PABPC4L: variants seen among roughly 807,000 people sequenced by gnomAD.
The protein encoded by PABPC4L is polyadenylate-binding protein 4-like.
For synonymous variants in PABPC4L, 169 were observed against 164.1 expected, an observed-to-expected ratio of 1.03 and a Z score of -0.23; for missense variants, 452 against 451.4, an observed-to-expected ratio of 1.00 and a Z score of -0.01.
At chr4:134,011,790 T>C in the PABPC4L span, among the ~76,000 whole-genome samples, 1 of 152,126 alleles carries the variant, frequency 6.6e-6, no homozygotes, top group Non-Finnish European at 1.5e-5. Context: ...CATAAAATCT[T>C]GCATATTTCT....
At chr4:134,152,590 C>T in the PABPC4L span, among the ~76,000 whole-genome samples, 1 of 152,092 alleles carries the variant, frequency 6.6e-6, no homozygotes, top group Non-Finnish European at 1.5e-5. Context: ...CACTCAATAC[C>T]ATGTGGAAGA....
At chr4:134,104,672 A>G in the PABPC4L span, among the ~76,000 whole-genome samples, 4 of 151,632 alleles carry the variant, frequency 2.6e-5, no homozygotes, top group African/African-American at 9.7e-5. Context: ...ATATTTGTAA[A>G]TATTTTCACG....
chr4:134,177,186 C>T, the PABPC4L span, among the ~76,000 whole-genome samples: 3,581 of 24,442 alleles, frequency 0.15, 225 homozygotes, highest in African/African-American at 0.44. Flanking sequence ...CTTTTCTTTT[C>T]TTTTTTTTTT....
chr4:134,121,124 T>C, the PABPC4L span, among the ~76,000 whole-genome samples: 2 of 151,414 alleles, frequency 1.3e-5, no homozygotes, highest in African/African-American at 4.8e-5. Context: ...TAATTTCAAC[T>C]ATAATTCAAT....
the PABPC4L span, among the ~76,000 whole-genome samples, chr4:134,050,874 A>C: frequency 9.3e-6 from 1 of 107,404 alleles, no homozygotes; most frequent in Admixed American, 1.2e-4. Flanking sequence ...ATCTATATTG[A>C]CCTTTATTTT....
the PABPC4L span, among the ~76,000 whole-genome samples, chr4:133,972,153 G>T: frequency 6.6e-6 from 1 of 152,122 alleles, no homozygotes; most frequent in African/African-American, 2.4e-5. Context: ...CTTAGATCCA[G>T]ATGGAGCTCC....
the PABPC4L span, among the ~76,000 whole-genome samples, chr4:134,003,635 G>C: frequency 6.6e-6 from 1 of 151,794 alleles, no homozygotes; most frequent in Non-Finnish European, 1.5e-5. Flanking sequence ...GCACAGTACT[G>C]TATGTGATGA....
the PABPC4L span, among the ~76,000 whole-genome samples, chr4:134,024,606 C>G: frequency 6.6e-6 from 1 of 152,102 alleles, no homozygotes; most frequent in Non-Finnish European, 1.5e-5. Flanking sequence ...CTTTAATTTC[C>G]TTTTTAAGGC....
the PABPC4L span, among the ~76,000 whole-genome samples, chr4:134,165,208 T>G: frequency 3.3e-5 from 5 of 152,090 alleles, no homozygotes; most frequent in African/African-American, 1.2e-4. Flanking sequence ...ATAAACTCTT[T>G]TGGACATTGG....
chr4:134,076,213 A>G, the PABPC4L span, among the ~76,000 whole-genome samples: 1 of 152,320 alleles, frequency 6.6e-6, no homozygotes, highest in African/African-American at 2.4e-5. Flanking sequence ...AAAAAGCCTT[A>G]AAAAGGAAAA....
chr4:134,133,600 C>G, the PABPC4L span, among the ~76,000 whole-genome samples: 1 of 151,338 alleles, frequency 6.6e-6, no homozygotes, highest in Non-Finnish European at 1.5e-5. Context: ...CAATCATCAA[C>G]GTCGTATGTT....
the PABPC4L span, among the ~76,000 whole-genome samples, chr4:134,065,466 T>G: frequency 6.6e-6 from 1 of 152,078 alleles, no homozygotes; most frequent in Admixed American, 6.6e-5. Flanking sequence ...TAAATTTGTT[T>G]AAGTTACTTG....
In PABPC4L at chr4:134,200,720, T is replaced by C; in HGVS notation, c.300A>G (p.Val100=). 1 of 1,551,706 alleles carries C rather than the reference T, an allele frequency of 6.4e-7. No homozygotes were observed. The highest frequency in any genetic ancestry group is 8.7e-7 in the Non-Finnish European group (1 of 1,146,974). The change falls in exon 2 of 2, where the codon GTA becomes GTG. Residue 100 remains valine, a synonymous_variant. Coordinates refer to ENST00000421491, the MANE Select transcript of PABPC4L (RefSeq NM_001114734.2). ...AYLRRSGIGN[V]FIKNLDKSID... ...TAGATTTGTCCAGATTCTTGATGAA[T>C]ACGTTCCCAATTCCAGATCTCCTCA...
the PABPC4L span, among the ~76,000 whole-genome samples, chr4:134,076,902 C>T: frequency 6.6e-6 from 1 of 151,988 alleles, no homozygotes; most frequent in Non-Finnish European, 1.5e-5. Flanking sequence ...GCATTTATGT[C>T]TATGATAATT....
chr4:133,964,393 C>G, the PABPC4L span, among the ~76,000 whole-genome samples: 1 of 151,496 alleles, frequency 6.6e-6, no homozygotes, highest in Non-Finnish European at 1.5e-5. Context: ...ACCAGACATT[C>G]AAAGAATTGG....
chr4:134,060,343 C>T, the PABPC4L span, among the ~76,000 whole-genome samples: 1 of 151,816 alleles, frequency 6.6e-6, no homozygotes, highest in Non-Finnish European at 1.5e-5. Flanking sequence ...GGACCATGAC[C>T]TAATGAGACA....
the PABPC4L span, among the ~76,000 whole-genome samples, chr4:133,989,678 A>G: frequency 6.6e-6 from 1 of 151,682 alleles, no homozygotes; most frequent in Non-Finnish European, 1.5e-5. Context: ...AACTGTTCCA[A>G]CCTCTGCTTG....
the PABPC4L span, among the ~76,000 whole-genome samples, chr4:134,139,161 A>G: frequency 6.6e-6 from 1 of 151,998 alleles, no homozygotes; most frequent in African/African-American, 2.4e-5. Flanking sequence ...TCCAATATTT[A>G]GTTAGCTTTG....
the PABPC4L span, among the ~76,000 whole-genome samples, chr4:134,069,973 G>C: frequency 7.1e-6 from 1 of 140,260 alleles, no homozygotes; most frequent in African/African-American, 2.7e-5. Context: ...CCTTGAAGTT[G>C]CTGTCCTTTG....
Sources: gnomAD v4.1 joint callset for allele counts (sites outside exome capture counted in the v4.1 genomes callset) on GRCh38, gnomAD v4.1.1 for gene constraint, MANE v1.5 for transcripts, NCBI Gene and HGNC (gene_info 2026-07-23, HGNC 2026-07-21) for gene names.